NMT2: variants seen among roughly 807,000 people sequenced by gnomAD.
The protein encoded by NMT2 is glycylpeptide N-tetradecanoyltransferase 2.
A neutral mutation model predicts 65.4 loss-of-function variants in NMT2; 35 were observed. That is an observed-to-expected ratio of 0.54 (90% confidence interval 0.41 to 0.71). The LOEUF is 0.71. Among genes scored for constraint, NMT2 ranks in the 30% least tolerant of loss-of-function variants. The probability of loss-of-function intolerance (pLI) is 0.00; values close to 1 mark genes in which losing one functional copy is unlikely to be tolerated. For synonymous variants in NMT2, 226 were observed against 231.8 expected (o/e 0.98, Z 0.23); for missense variants, 489 against 611.3 (o/e 0.80, Z 2.11).
chr10:15,154,398 A>G (rs1377563260), intron 1 of NMT2, among the ~76,000 whole-genome samples: 1 of 152,218 alleles, frequency 6.6e-6, no homozygotes, highest in African/African-American at 2.4e-5. Flanking sequence ...TGACCTGGAA[A>G]GACATTCAGT....
chr10:15,121,277 C>T (rs1027979033), intron 8 of NMT2, among the ~76,000 whole-genome samples: 1 of 152,098 alleles, frequency 6.6e-6, no homozygotes, highest in Non-Finnish European at 1.5e-5. Context: ...CTAGCAGTTC[C>T]ACTCTTAAGA....
At chr10:15,121,282 T>G (rs1342453872) in intron 8 of NMT2, among the ~76,000 whole-genome samples, 1 of 152,224 alleles carries the variant, frequency 6.6e-6, no homozygotes, top group African/African-American at 2.4e-5. Flanking sequence ...AGTTCCACTC[T>G]TAAGAAATAT....
At chr10:15,145,767 C>A (rs1393109411) in intron 1 of NMT2, among the ~76,000 whole-genome samples, 1 of 152,078 alleles carries the variant, frequency 6.6e-6, no homozygotes, top group African/African-American at 2.4e-5. Context: ...ACTCCTGTCC[C>A]TGGGGGTGAC....
chr10:15,113,119 G>C (rs1845622440), intron 9 of NMT2, among the ~76,000 whole-genome samples, 156 bp from the exon 10 acceptor site: 1 of 152,132 alleles, frequency 6.6e-6, no homozygotes, highest in Non-Finnish European at 1.5e-5. Flanking sequence ...ATATTGTGCT[G>C]TGTAGAGGCC....
intron 1 of NMT2, among the ~76,000 whole-genome samples, chr10:15,160,638 G>A (rs1309011629): frequency 6.6e-6 from 1 of 152,048 alleles, no homozygotes; most frequent in Non-Finnish European, 1.5e-5. Flanking sequence ...GCTAGGCATG[G>A]TAGTGTGCGT....
Position 15,109,073 on chromosome 10 carries a change from G to A in NMT2, c.*122C>T. On this transcript the variant is annotated 3_prime_UTR_variant, in exon 12 of 12. Coordinates refer to ENST00000378165, the MANE Select transcript of NMT2 (RefSeq NM_004808.3). ...CATGTGGACTTTTGTCATCTTTTCT[G>A]ATTATCGACTACTTCAATTTCACTT... 1 of 1,526,414 alleles carries A rather than the reference G, an allele frequency of 6.6e-7. No homozygotes were observed. Among genetic ancestry groups the A allele is most frequent in the Non-Finnish European group, 8.7e-7 (1 of 1,146,898 alleles). The allele number at this position is 1,526,414 out of a possible 1,614,324, so 94.6% of individuals were successfully genotyped here.
chr10:15,153,172 G>A (rs1451963115), intron 1 of NMT2, among the ~76,000 whole-genome samples: 3 of 152,142 alleles, frequency 2.0e-5, no homozygotes, highest in African/African-American at 7.2e-5. Context: ...GGTGGCTCAC[G>A]CCTGTAATCC....
At chr10:15,127,969 C>T (rs1001240368) in intron 8 of NMT2, among the ~76,000 whole-genome samples, 7 of 152,056 alleles carry the variant, frequency 4.6e-5, no homozygotes, top group Non-Finnish European at 8.8e-5. Context: ...TTTAATGAGA[C>T]ATTATTTCCA....
intron 1 of NMT2, among the ~76,000 whole-genome samples, chr10:15,166,755 T>C (rs1027610009): frequency 7.9e-5 from 12 of 152,192 alleles, no homozygotes; most frequent in African/African-American, 2.9e-4. Flanking sequence ...TATACAAAAC[T>C]GAAAACTTCC....
Position 15,109,852 on chromosome 10 carries a change from A to G in NMT2, c.1339-13T>C, listed in dbSNP as rs1451077694. The G allele has an allele frequency of 5.0e-6, 8 of 1,591,312 alleles. No homozygotes were observed. The highest frequency in any genetic ancestry group is 6.8e-6 in the Non-Finnish European group (8 of 1,170,796). On this transcript the variant is annotated splice_polypyrimidine_tract_variant and intron_variant, in intron 10 of 11. Coordinates refer to ENST00000378165, the MANE Select transcript of NMT2 (RefSeq NM_004808.3). ...CATCAAATCCTTTCTGCCAATTTAA[A>G]AAAGATTTAAAATTTAAAACAAAGG...
intron 7 of NMT2, among the ~76,000 whole-genome samples, chr10:15,129,777 C>T (rs959891995): frequency 7.2e-5 from 11 of 151,922 alleles, no homozygotes; most frequent in Non-Finnish European, 1.5e-4. Context: ...TGTGTGGTGG[C>T]ACATGCCTGT....
chr10:15,108,883 A>G lies in NMT2; in HGVS notation c.*312T>C. ...TGTAACTTCTACTTAGTCCATAGAA[A>G]AACAGTCCCTTTTCTAAGGGTGAAA... On this transcript the variant is annotated 3_prime_UTR_variant, in exon 12 of 12. Transcript: ENST00000378165. 1 of 1,130,736 alleles carries G rather than the reference A, an allele frequency of 8.8e-7. No individual in the cohort carries two copies. Among genetic ancestry groups the G allele is most frequent in the South Asian group, 2.4e-5 (1 of 42,156 alleles). The allele number at this position is 1,130,736 out of a possible 1,614,324, so 70.0% of individuals were successfully genotyped here. A position where few individuals can be genotyped will look rare whatever the true frequency, so the allele number is the denominator to read the frequency against.
intron 2 of NMT2, among the ~76,000 whole-genome samples, chr10:15,135,782 G>A (rs1846464242): frequency 6.6e-6 from 1 of 152,114 alleles, no homozygotes; most frequent in South Asian, 2.1e-4. Flanking sequence ...CCTTGGGTGG[G>A]GGGCACTGTC....
In NMT2 at chr10:15,107,256, T is replaced by C; in HGVS notation, c.*1939A>G. ...TCAACCATTCCAGAAAATAAAAACA[T>C]TCTTAGCCTGTGGGCTACACAAAAA... On this transcript the variant is annotated 3_prime_UTR_variant, in exon 12 of 12. Coordinates refer to ENST00000378165, the MANE Select transcript of NMT2 (RefSeq NM_004808.3). The C allele has an allele frequency of 1.2e-6, 1 of 808,866 alleles. No homozygotes were observed. The highest frequency in any genetic ancestry group is 1.5e-6 in the Non-Finnish European group (1 of 669,062). 50.1% of individuals were successfully genotyped at this position (808,866 alleles called of 1,614,324 possible). A position where few individuals can be genotyped will look rare whatever the true frequency, so the allele number is the denominator to read the frequency against.
intron 1 of NMT2, among the ~76,000 whole-genome samples, chr10:15,143,735 C>A (rs1260882212): frequency 6.6e-6 from 1 of 152,084 alleles, no homozygotes; most frequent in East Asian, 1.9e-4. Flanking sequence ...GTGGTGTGCA[C>A]CTGTGGTGCC....
intron 8 of NMT2, among the ~76,000 whole-genome samples, chr10:15,121,644 G>T (rs1010000963): frequency 1.4e-4 from 22 of 152,298 alleles, no homozygotes; most frequent in Non-Finnish European, 2.6e-4. Flanking sequence ...TGGGATTACA[G>T]GTGTGAGCCA....
rs566115122 is a variant in NMT2, at chr10:15,160,111, A to G, written c.110+8392T>C. ...AAGCCATGACCCACAGAAAGGCGTGAGCAGTAACAAATTCCTCTTGGTGAA... is the reference window on the plus strand; with the variant it reads ...AAGCCATGACCCACAGAAAGGCGTGGGCAGTAACAAATTCCTCTTGGTGAA... On this transcript the variant is annotated intron_variant, in intron 1 of 11. Transcript: ENST00000378165. Among the ~76,000 whole-genome samples the G allele has an allele frequency of 3.3e-5, 5 of 152,372 alleles. No individual in the cohort carries two copies. The East Asian group carries it at 9.6e-4, about 29-fold the overall frequency.
Position 15,122,668 on chromosome 10 carries a change from C to T in NMT2, c.1000-3155G>A, listed in dbSNP as rs570416418. Among the ~76,000 whole-genome samples, 8 of 152,294 alleles carry T rather than the reference C, an allele frequency of 5.3e-5. No individual in the cohort carries two copies. In the South Asian group the frequency reaches 1.4e-3, roughly 28 times the overall value. On this transcript the variant is annotated intron_variant, in intron 8 of 11. Transcript: ENST00000378165. ...TCTCCTGACCTTGTGATCTGCCCAC[C>T]TCGGTCTCCCAAAGTGCTGGGATTA...
At chr10:15,125,494 T>C (rs1302771412) in intron 8 of NMT2, among the ~76,000 whole-genome samples, 1 of 152,220 alleles carries the variant, frequency 6.6e-6, no homozygotes, top group Non-Finnish European at 1.5e-5. Context: ...CACTCCATTG[T>C]AGGCAACCTA....
Sources: gnomAD v4.1 joint callset for allele counts (sites outside exome capture counted in the v4.1 genomes callset) on GRCh38, gnomAD v4.1.1 for gene constraint, MANE v1.5 for transcripts, NCBI Gene and HGNC (gene_info 2026-07-23, HGNC 2026-07-21) for gene names.